Variants in RAD51B observed in about 807,000 individuals in gnomAD.
RAD51B encodes the protein RAD51 paralog B.
In RAD51B, 38 loss-of-function variants were observed where a neutral mutation model predicts 42.2. That is an observed-to-expected ratio of 0.90 (90% confidence interval 0.70 to 1.18). The LOEUF is 1.18. Ranked by LOEUF, RAD51B falls within the 50% of genes most tolerant of loss-of-function variation. The pLI is 0.00. For missense variants in RAD51B, 373 were observed against 400.7 expected (o/e 0.93, Z 0.59); for synonymous variants, 154 against 145.2 (o/e 1.06, Z -0.43).
intron 5 of RAD51B, among the ~76,000 whole-genome samples, chr14:67,877,867 C>G (rs2042778230): frequency 6.6e-6 from 1 of 152,092 alleles, no homozygotes; most frequent in African/African-American, 2.4e-5. Context: ...GTCTCACCAT[C>G]TTGCCCAAAC....
In RAD51B at chr14:68,155,444, G is replaced by A. The variant is rs553743214; in HGVS notation, c.757-136440G>A. Among the ~76,000 whole-genome samples, 17 of 152,080 alleles carry A rather than the reference G, an allele frequency of 1.1e-4. No homozygotes were observed. The East Asian group carries it at 2.5e-3, about 22-fold the overall frequency. On this transcript the variant is annotated intron_variant, in intron 7 of 10. Transcript: ENST00000471583. ...CTTGATCTCATGATCCACCCGCCTC[G>A]GCCTCCCAAAGTGCTGAGATTACAG...
chr14:68,382,886 A>G (rs1034274737), intron 8 of RAD51B, among the ~76,000 whole-genome samples: 2 of 152,230 alleles, frequency 1.3e-5, no homozygotes, highest in East Asian at 1.9e-4. Flanking sequence ...AATCACTAGC[A>G]TAGTATTACA....
rs931541722 is a variant in RAD51B at position 67,865,260 on chromosome 14, T to G, written c.452+121T>G. 25 of 976,360 alleles carry G rather than the reference T, an allele frequency of 2.6e-5. No homozygotes were observed. In the African/African-American group the frequency reaches 3.9e-4, roughly 15 times the overall value. 60.5% of individuals were successfully genotyped at this position (976,360 alleles called of 1,614,324 possible). A position where few individuals can be genotyped will look rare whatever the true frequency, so the allele number is the denominator to read the frequency against. On this transcript the variant is annotated intron_variant, in intron 5 of 10. Coordinates refer to ENST00000471583, the MANE Select transcript of RAD51B (RefSeq NM_133510.4). ...CCTTGCCTTTTTTTTTTTTTTGAGATGGAGTCTTGCTCTGTTGCCGGGCTG... is the reference window on the plus strand; with the variant it reads ...CCTTGCCTTTTTTTTTTTTTTGAGAGGGAGTCTTGCTCTGTTGCCGGGCTG...
intron 11 of RAD51B, among the ~76,000 whole-genome samples, chr14:68,653,374 T>G (rs11626487): frequency 3.0e-5 from 3 of 99,962 alleles, no homozygotes; most frequent in East Asian, 2.9e-4. Flanking sequence ...ACCCTGTCTT[T>G]CAAAAAAACA....
intron 4 of RAD51B, among the ~76,000 whole-genome samples, chr14:67,863,559 T>C (rs749945622): frequency 3.3e-5 from 5 of 152,126 alleles, no homozygotes; most frequent in Admixed American, 6.6e-5. Context: ...TGAGACAGTT[T>C]CTTTATTGTA....
intron 8 of RAD51B, among the ~76,000 whole-genome samples, chr14:68,397,829 G>A (rs1315378512): frequency 6.6e-6 from 1 of 152,190 alleles, no homozygotes; most frequent in African/African-American, 2.4e-5. Context: ...AAACGTTCGG[G>A]TTCTGGTCTA....
At chr14:68,530,692 T>C (rs1887249934) in intron 10 of RAD51B, among the ~76,000 whole-genome samples, 1 of 152,020 alleles carries the variant, frequency 6.6e-6, no homozygotes, top group African/African-American at 2.4e-5. Context: ...AAAGACAGTT[T>C]TAGGATTTTT....
chr14:68,295,000 C>T (rs1262582305), intron 8 of RAD51B, among the ~76,000 whole-genome samples: 1 of 152,126 alleles, frequency 6.6e-6, no homozygotes, highest in Non-Finnish European at 1.5e-5. Flanking sequence ...TGCATAAGTT[C>T]CAAAAGTTCC....
At chr14:68,139,191 C>G (rs1406619230) in intron 7 of RAD51B, among the ~76,000 whole-genome samples, 1 of 152,000 alleles carries the variant, frequency 6.6e-6, no homozygotes, top group African/African-American at 2.4e-5. Context: ...CTTCAGAGAT[C>G]CTCCTTCAAA....
At chr14:68,492,564 C>T (rs1284401908) in intron 10 of RAD51B, among the ~76,000 whole-genome samples, 7 of 152,210 alleles carry the variant, frequency 4.6e-5, no homozygotes, top group African/African-American at 1.4e-4. Context: ...AAACTGCTGA[C>T]ATTTGTTCTT....
At chr14:67,953,168 C>A (rs1267323654) in intron 7 of RAD51B, among the ~76,000 whole-genome samples, 2 of 152,090 alleles carry the variant, frequency 1.3e-5, no homozygotes, top group Non-Finnish European at 2.9e-5. Context: ...CAAGACAGAT[C>A]TAATCCTTTT....
At chr14:68,241,576 G>A (rs529462635) in intron 7 of RAD51B, among the ~76,000 whole-genome samples, 1 of 152,138 alleles carries the variant, frequency 6.6e-6, no homozygotes, top group African/African-American at 2.4e-5. Context: ...TGTCAATCAT[G>A]GTGTCATGAT....
intron 8 of RAD51B, among the ~76,000 whole-genome samples, chr14:68,311,499 T>A (rs1192212719): frequency 1.3e-5 from 2 of 152,222 alleles, no homozygotes; most frequent in Non-Finnish European, 2.9e-5. Context: ...ATCACCTTTT[T>A]TCCTTTTATT....
intron 3 of RAD51B, among the ~76,000 whole-genome samples, chr14:67,834,860 A>T (rs531162559): frequency 6.6e-6 from 1 of 152,166 alleles, no homozygotes; most frequent in African/African-American, 2.4e-5. Context: ...GGTTGACTTC[A>T]TAAGACTGTG....
intron 7 of RAD51B, among the ~76,000 whole-genome samples, chr14:68,014,086 T>G (rs1023258190): frequency 6.6e-6 from 1 of 152,170 alleles, no homozygotes; most frequent in Non-Finnish European, 1.5e-5. Context: ...AAATCAGAAC[T>G]GATTTTTGGT....
At chr14:68,682,914 T>G in intron 11 of RAD51B, 2 of 440,296 alleles carry the variant, frequency 4.5e-6, no homozygotes, top group Non-Finnish European at 5.3e-6. Context: ...TTATGGCTTT[T>G]TTTTTTTTTT....
Position 68,477,891 on chromosome 14 carries a change from G to T in RAD51B, c.*227G>T. The T allele has an allele frequency of 7.5e-7, 1 of 1,336,464 alleles. No individual in the cohort carries two copies. Among genetic ancestry groups the T allele is most frequent in the Non-Finnish European group, 9.6e-7 (1 of 1,044,630 alleles). The allele number at this position is 1,336,464 out of a possible 1,614,324, so 82.8% of individuals were successfully genotyped here. A position where few individuals can be genotyped will look rare whatever the true frequency, so the allele number is the denominator to read the frequency against. ...TTGTTCAGGTCTCTAGATGTGTAGGGCTGAGGGCTTTGCCGCCATGGGATG... is the reference window on the plus strand; with the variant it reads ...TTGTTCAGGTCTCTAGATGTGTAGGTCTGAGGGCTTTGCCGCCATGGGATG... On this transcript the variant is annotated 3_prime_UTR_variant, in exon 11 of 11. Coordinates refer to ENST00000471583, the MANE Select transcript of RAD51B (RefSeq NM_133510.4).
chr14:67,844,583 A>G (rs985884535), intron 4 of RAD51B, among the ~76,000 whole-genome samples: 1 of 149,532 alleles, frequency 6.7e-6, no homozygotes, highest in Non-Finnish European at 1.5e-5. Flanking sequence ...CTTTACCATT[A>G]TGTAGTGCCC....
chr14:68,075,991 C>A (rs1184750002), intron 7 of RAD51B, among the ~76,000 whole-genome samples: 1 of 152,200 alleles, frequency 6.6e-6, no homozygotes, highest in East Asian at 1.9e-4. Flanking sequence ...TCAGGCCAGG[C>A]CGAGAGGCCC....
Sources: gnomAD v4.1 joint callset for allele counts (sites outside exome capture counted in the v4.1 genomes callset) on GRCh38, gnomAD v4.1.1 for gene constraint, MANE v1.5 for transcripts, NCBI Gene and HGNC (gene_info 2026-07-23, HGNC 2026-07-21) for gene names.